XDH: variants seen among roughly 807,000 people sequenced by gnomAD.
XDH encodes xanthine dehydrogenase/oxidase.
A neutral mutation model predicts 156.1 loss-of-function variants in XDH; 138 were observed. That is an observed-to-expected ratio of 0.88 (90% confidence interval 0.77 to 1.02). XDH has a LOEUF of 1.02. Among genes scored for constraint, XDH ranks in the 50% least tolerant of loss-of-function variants. The pLI, the probability that XDH is intolerant of heterozygous loss-of-function variation, is 0.00. For synonymous variants in XDH, 669 were observed against 625.7 expected (o/e 1.07, Z -1.03); for missense variants, 1,849 against 1,684.9 (o/e 1.10, Z -1.71).
Position 31,366,890 on chromosome 2 carries a change from G to A in XDH, c.2302C>T (p.Gln768Ter), listed in dbSNP as rs1312082753. Reference sequence around the variant, plus strand: ...TCTACCTGGGTCTTCATGGTGTTCTGTGTAGACACAAAGAGCTCCATCTCC... The same window carrying A: ...TCTACCTGGGTCTTCATGGTGTTCTATGTAGACACAAAGAGCTCCATCTCC... ...AGEMELFVSTQNTMKTQSFVA... is the reference protein window; with the variant it reads ...AGEMELFVST Residue 768 changes from glutamine (Q) to a stop codon, truncating the protein, a stop_gained, in exon 21 of 36, where the codon CAG (glutamine) becomes TAG (stop). Coordinates refer to ENST00000379416, the MANE Select transcript of XDH (RefSeq NM_000379.4). LOFTEE classifies it high-confidence loss of function. 3 of 1,614,216 alleles carry A rather than the reference G, an allele frequency of 1.9e-6. No homozygotes were observed. Among genetic ancestry groups the A allele is most frequent in the East Asian group, 2.2e-5 (1 of 44,888 alleles).
Position 31,398,648 on chromosome 2 carries a change from T to C in XDH, c.358A>G (p.Ile120Val). 5 of 1,614,126 alleles carry C rather than the reference T, an allele frequency of 3.1e-6. No individual in the cohort carries two copies. In the East Asian group the frequency reaches 1.1e-4, roughly 36 times the overall value. ...AGCAGTGTGTACATACTCATGACGA[T>C]GCCAGGGGTGCAGAACCCGCACTGG... Reference protein sequence around the residue: ...GSQCGFCTPGIVMSMYTLLRN... With the variant: ...GSQCGFCTPGVVMSMYTLLRN... Residue 120 changes from isoleucine (I) to valine (V), a missense_variant, in exon 5 of 36, where the codon ATC becomes GTC. Coordinates refer to ENST00000379416, the MANE Select transcript of XDH (RefSeq NM_000379.4).
chr2:31,413,466 G>T (rs1250439023), intron 1 of XDH, among the ~76,000 whole-genome samples: 4 of 152,092 alleles, frequency 2.6e-5, no homozygotes, highest in African/African-American at 4.8e-5. Context: ...CTTCCCAAAG[G>T]CACCACTCAA....
chr2:31,361,557 C>T (rs1358911190), intron 24 of XDH, among the ~76,000 whole-genome samples: 1 of 152,134 alleles, frequency 6.6e-6, no homozygotes, highest in South Asian at 2.1e-4. Flanking sequence ...GAACAAAAAA[C>T]AGAAAAATCT....
intron 16 of XDH, among the ~76,000 whole-genome samples, chr2:31,373,029 TTTA>T (rs1553415922): frequency 1.3e-5 from 2 of 152,132 alleles, no homozygotes; most frequent in Non-Finnish European, 2.9e-5. Context: ...ATGGCTAATG[TTTA>T]TTGAGTGTTT....
In XDH at chr2:31,386,537, G is replaced by T. The variant is rs147533056; in HGVS notation, c.670C>A (p.Arg224=). ...TCCCCTTCAAATCGCAGCTGCTTCC[G>T]AGGAGTGTCTTTCAGCCTCTGGGAA... ...PELLRLKDTP[R]KQLRFEGERV... is the part of the protein sequence containing the mutation. The change falls in exon 9 of 36, where the codon CGG becomes AGG. Residue 224 remains arginine (R), a synonymous_variant. Transcript: ENST00000379416. The T allele has an allele frequency of 6.2e-7, 1 of 1,614,146 alleles. No homozygotes were observed. Among genetic ancestry groups the T allele is most frequent in the Non-Finnish European group, 8.5e-7 (1 of 1,180,022 alleles).
rs1267513959 is a variant in XDH at position 31,401,296 on chromosome 2, A to C, written c.230T>G (p.Ile77Ser). The change falls in exon 4 of 36, where the codon ATC becomes AGC. Residue 77 changes from isoleucine to serine, a missense_variant. Coordinates refer to ENST00000379416, the MANE Select transcript of XDH (RefSeq NM_000379.4). ...CACTGCAACATGGTGCAAGGAGCAG[A>C]TGGGGGCCAGGCAGGCATTGGCAGA... ...HFSANACLAP[I>S]CSLHHVAVTT... 4 of 1,614,188 alleles carry C rather than the reference A, an allele frequency of 2.5e-6. No individual in the cohort carries two copies. The highest frequency in any genetic ancestry group is 2.5e-6 in the Non-Finnish European group (3 of 1,180,028).
chr2:31,378,166 G>GGAAA (rs1686323919), intron 13 of XDH, among the ~76,000 whole-genome samples: 10 of 102,466 alleles, frequency 9.8e-5, no homozygotes, highest in African/African-American at 3.6e-4. Flanking sequence ...AAGGAAGGAA[G>GGAAA]GAAGGAAGGA....
chr2:31,359,849 G>A (rs1685728857), intron 24 of XDH, among the ~76,000 whole-genome samples: 2 of 152,182 alleles, frequency 1.3e-5, no homozygotes, highest in South Asian at 4.1e-4. Context: ...AGGATATTAA[G>A]GAACAATGAT....
intron 29 of XDH, 46 bp downstream of exon 29, chr2:31,347,476 G>T (rs1445372754): frequency 6.2e-7 from 1 of 1,612,244 alleles, no homozygotes; most frequent in Admixed American, 1.7e-5. Flanking sequence ...CAGGCCCACA[G>T]CTCTGGGCTG....
Position 31,379,862 on chromosome 2 carries a change from C to G in XDH, c.1242+5G>C, listed in dbSNP as rs1234167604. ...CAGAGCCTGGAACCACTTCCAACAT[C>G]TCACCTCCCTGCTGTAGGGGATCTC... On this transcript the variant is annotated splice_donor_5th_base_variant and intron_variant, in intron 13 of 35. Coordinates refer to ENST00000379416, the MANE Select transcript of XDH (RefSeq NM_000379.4). 1 of 1,613,788 alleles carries G rather than the reference C, an allele frequency of 6.2e-7. No homozygotes were observed. Among genetic ancestry groups the G allele is most frequent in the African/African-American group, 1.3e-5 (1 of 74,908 alleles).
chr2:31,386,698 T>C (rs1414546758), intron 8 of XDH, 143 bp from the exon 9 acceptor site: 8 of 1,140,288 alleles, frequency 7.0e-6, no homozygotes, highest in Admixed American at 2.0e-5. Flanking sequence ...GGAAGTAATA[T>C]GTTCAGAGGC....
intron 6 of XDH, among the ~76,000 whole-genome samples, chr2:31,392,670 G>A (rs1019678958): frequency 4.6e-5 from 7 of 152,044 alleles, no homozygotes; most frequent in African/African-American, 7.2e-5. Flanking sequence ...TGATCCGCCC[G>A]CCTCATCCTC....
In XDH at chr2:31,341,314, C is replaced by T. The variant is rs1199134116; in HGVS notation, c.3585+15G>A. 9.6e-6 allele frequency: 15 copies of T among 1,562,430 alleles called. No individual in the cohort carries two copies. Among genetic ancestry groups the T allele is most frequent in the Non-Finnish European group, 1.3e-5 (15 of 1,151,354 alleles). ...TGGCCAAGTCTGTCACCACCCTGGT[C>T]CCACTGAGCCTCACCTGTCCAATAT... On this transcript the variant is annotated intron_variant, in intron 33 of 35. Coordinates refer to ENST00000379416, the MANE Select transcript of XDH (RefSeq NM_000379.4).
intron 35 of XDH, among the ~76,000 whole-genome samples, chr2:31,337,257 T>G (rs1348651904): frequency 6.6e-6 from 1 of 152,016 alleles, no homozygotes. Flanking sequence ...CCCCCCAATA[T>G]TCATACAGTG....
At chr2:31,408,820 C>G (rs181431742) in intron 1 of XDH, among the ~76,000 whole-genome samples, 97 of 152,292 alleles carry the variant, frequency 6.4e-4, no homozygotes, top group Middle Eastern at 6.8e-3. Context: ...GTATATAAAA[C>G]AGATACCTGC....
Position 31,379,980 on chromosome 2 carries a change from T to C in XDH, c.1133-4A>G, listed in dbSNP as rs774870342. ...ATCTGGACAGTTCTCCTGGTGCCTG[T>C]ACAGAAGCAAGATGAAGAGGAGCCA... On this transcript the variant is annotated splice_region_variant and splice_polypyrimidine_tract_variant and intron_variant, in intron 12 of 35. Transcript: ENST00000379416. 1.9e-6 allele frequency: 3 copies of C among 1,613,762 alleles called. No homozygotes were observed. The highest frequency in any genetic ancestry group is 2.5e-6 in the Non-Finnish European group (3 of 1,179,954).
In XDH at chr2:31,401,183, C is replaced by G. The variant is rs756765529; in HGVS notation, c.306+37G>C. The G allele has an allele frequency of 2.5e-6, 4 of 1,610,354 alleles. No individual in the cohort carries two copies. The Admixed American group carries it at 6.7e-5, about 27-fold the overall frequency. The stretch of plus-strand genomic sequence containing the variant: ...TGAGCCTCCCTGCAGAGGAAAGAGC[C>G]TGATCTCAAGAGCACAGCTCCCTTT... On this transcript the variant is annotated intron_variant, in intron 4 of 35. Transcript: ENST00000379416.
chr2:31,341,392 G>T lies in XDH; in HGVS notation c.3522C>A (p.Asn1174Lys). 2 of 1,575,666 alleles carry T rather than the reference G, an allele frequency of 1.3e-6. No individual in the cohort carries two copies. The highest frequency in any genetic ancestry group is 1.7e-4 in the Middle Eastern group (1 of 6,020). ...CATCCATGACAATATCTGTGCGGAG[G>T]TTCTAGAGTAGACAGCAAAATTACA... ...EIDCLTGDHK[N>K]LRTDIVMDVG... The change falls in exon 33 of 36, where the codon AAC (asparagine) becomes AAA (lysine). Residue 1174 changes from asparagine (N) to lysine (K), a missense_variant and splice_region_variant. Transcript: ENST00000379416.
Position 31,414,239 on chromosome 2 carries a change from C to T in XDH, c.42+386G>A, listed in dbSNP as rs868795083. On this transcript the variant is annotated intron_variant, in intron 1 of 35. Coordinates refer to ENST00000379416, the MANE Select transcript of XDH (RefSeq NM_000379.4). ...TTCCTTCTCTCTGTAAAGAGAGCAA[C>T]GTAAATTTTAGGATATATTTGATTA... Among the ~76,000 whole-genome samples, 10 of 151,918 alleles carry T rather than the reference C, an allele frequency of 6.6e-5. No homozygotes were observed. In the East Asian group the frequency reaches 1.6e-3, roughly 24 times the overall value.
Sources: allele counts gnomAD v4.1 joint callset (sites outside exome capture counted in the v4.1 genomes callset), GRCh38; gene constraint gnomAD v4.1.1; transcripts MANE v1.5; gene names NCBI Gene and HGNC (gene_info 2026-07-23, HGNC 2026-07-21).